Variants in ORC1 observed in about 807,000 individuals in gnomAD.
ORC1 encodes the protein origin recognition complex, subunit 1 homolog.
Under a neutral mutation model 98.9 loss-of-function variants are expected in ORC1, and 61 were observed. That is an observed-to-expected ratio of 0.62 (90% CI 0.50 to 0.76). The LOEUF is 0.76. ORC1 is among the 30% of genes least tolerant of loss of function. The pLI, the probability that ORC1 is intolerant of heterozygous loss-of-function variation, is 0.00. For synonymous variants in ORC1, 385 were observed against 406.9 expected (o/e 0.95, Z 0.65); for missense variants, 979 against 1,072.2 (o/e 0.91, Z 1.21).
intron 3 of ORC1, among the ~76,000 whole-genome samples, chr1:52,399,385 G>A (rs553788853): frequency 1.2e-3 from 185 of 152,228 alleles, no homozygotes; most frequent in African/African-American, 4.1e-3. Context: ...AGCACTTTGG[G>A]AGGCTGAGGC....
intron 16 of ORC1, 22 bp downstream of exon 16, chr1:52,374,788 T>C: frequency 6.4e-7 from 1 of 1,554,438 alleles, no homozygotes; most frequent in East Asian, 2.2e-5. Context: ...TCTAGAAGGA[T>C]TTGAAAAGAG....
chr1:52,383,710 G>C lies in ORC1; in HGVS notation c.1863+120C>G, dbSNP rs1647104008. On this transcript the variant is annotated intron_variant, in intron 12 of 16. Coordinates refer to ENST00000371568, the MANE Select transcript of ORC1 (RefSeq NM_004153.4). ...ACAATCCATTGACACACGCCTCTCA[G>C]CACCAGAAAATGGGCTCATATGAAT... 5 of 1,279,068 alleles carry C rather than the reference G, an allele frequency of 3.9e-6. No individual in the cohort carries two copies. The African/African-American group carries it at 5.8e-5, about 15-fold the overall frequency. 79.2% of individuals were successfully genotyped at this position (1,279,068 alleles called of 1,614,324 possible). A position where few individuals can be genotyped will look rare whatever the true frequency, so the allele number is the denominator to read the frequency against.
chr1:52,394,839 G>A (rs925357465), intron 5 of ORC1, among the ~76,000 whole-genome samples: 1 of 152,028 alleles, frequency 6.6e-6, no homozygotes, highest in Non-Finnish European at 1.5e-5. Flanking sequence ...TAGTAGAGAC[G>A]GGGTTTCACC....
chr1:52,380,733 CAAAGA>C (rs1261516984), intron 14 of ORC1, among the ~76,000 whole-genome samples: 2 of 151,032 alleles, frequency 1.3e-5, no homozygotes, highest in Non-Finnish European at 3.0e-5. Flanking sequence ...AAGGATCATT[CAAAGA>C]AAAGAAAAAG....
chr1:52,402,371 A>G (rs1251228651), intron 1 of ORC1, 143 bp from the exon 2 acceptor site: 1 of 708,892 alleles, frequency 1.4e-6, no homozygotes, highest in South Asian at 1.5e-5. Context: ...TTTTAGACTA[A>G]GAAAACATTT....
At chr1:52,385,782 AT>A in intron 9 of ORC1, 69 bp downstream of exon 9, 1 of 1,030,566 alleles carries the variant, frequency 9.7e-7, no homozygotes, top group Non-Finnish European at 1.5e-6. Flanking sequence ...GTGACTGCTA[AT>A]TTTATGTGAA....
chr1:52,385,774 G>T, intron 9 of ORC1, 78 bp downstream of exon 9: 1 of 922,010 alleles, frequency 1.1e-6, no homozygotes, highest in South Asian at 1.3e-5. Flanking sequence ...GTAGACCAGT[G>T]ACTGCTAATT....
chr1:52,393,664 A>G lies in ORC1; in HGVS notation c.861T>C (p.Ser287=). The change falls in exon 6 of 17, where the codon TCT becomes TCC. Residue 287 remains serine (S), a synonymous_variant. Transcript: ENST00000371568. ...RSQPDKLQTL[S]PALKAPEKTR... ...TTTTCTCTGGGGCTTTCAGAGCTGG[A>G]GACAAGGTTTGAAGTTTATCAGGCT... is the stretch of plus-strand genomic sequence containing the variant. The G allele has an allele frequency of 1.2e-6, 2 of 1,614,074 alleles. No homozygotes were observed. Among genetic ancestry groups the G allele is most frequent in the Non-Finnish European group, 8.5e-7 (1 of 1,179,990 alleles).
intron 3 of ORC1, among the ~76,000 whole-genome samples, chr1:52,399,439 A>G (rs1173859248): frequency 1.3e-5 from 2 of 152,066 alleles, no homozygotes; most frequent in Non-Finnish European, 2.9e-5. Flanking sequence ...CCTGGCTAAC[A>G]CGGTGAAACC....
intron 6 of ORC1, among the ~76,000 whole-genome samples, chr1:52,389,942 T>G (rs888587966): frequency 6.6e-6 from 1 of 152,192 alleles, no homozygotes; most frequent in Non-Finnish European, 1.5e-5. Flanking sequence ...TGTCAAACTG[T>G]TAATGTGCAC....
At chr1:52,398,199 C>T (rs1230048593) in intron 3 of ORC1, among the ~76,000 whole-genome samples, 3 of 150,066 alleles carry the variant, frequency 2.0e-5, no homozygotes, top group Non-Finnish European at 3.0e-5. Flanking sequence ...CGTGACCTCA[C>T]GTGATCTGCC....
the ORC1 span, chr1:52,409,472 G>T: frequency 6.6e-6 from 1 of 152,256 alleles, no homozygotes; most frequent in South Asian, 2.1e-4. Flanking sequence ...TTAGCAGGGT[G>T]TGGAGGTGCA....
chr1:52,381,882 C>T (rs1254734456), intron 13 of ORC1, 121 bp from the exon 14 acceptor site: 3 of 910,742 alleles, frequency 3.3e-6, no homozygotes, highest in Non-Finnish European at 5.4e-6. Flanking sequence ...TTACACATTT[C>T]ATACCTAGAC....
Position 52,397,855 on chromosome 1 carries a change from G to A in ORC1, c.232C>T (p.Pro78Ser). 6.2e-7 allele frequency: 1 copy of A among 1,614,160 alleles called. No individual in the cohort carries two copies. The highest frequency in any genetic ancestry group is 8.5e-7 in the Non-Finnish European group (1 of 1,179,990). ...ACTCGAGCACGTTTCTTAGGAGGAG[G>A]ATCAGAGTCTAGAAAGAATTTGGTG... ...LLELFEDDSD[P>S]PPKKRARVQW... is the part of the protein sequence containing the mutation. The change falls in exon 4 of 17, where the codon CCT becomes TCT. Residue 78 changes from proline (P) to serine (S), a missense_variant. Transcript: ENST00000371568.
chr1:52,383,447 G>C lies in ORC1; in HGVS notation c.1986C>G (p.Ile662Met). 8 of 1,612,992 alleles carry C rather than the reference G, an allele frequency of 5.0e-6. No individual in the cohort carries two copies. Among genetic ancestry groups the C allele is most frequent in the Non-Finnish European group, 6.8e-6 (8 of 1,180,036 alleles). The change falls in exon 13 of 17, where the codon ATC becomes ATG. Residue 662 changes from isoleucine to methionine, a missense_variant. Coordinates refer to ENST00000371568, the MANE Select transcript of ORC1 (RefSeq NM_004153.4). ...GTCGGCTGGACACCCGGTTCATCAT[G>C]ATTCGCTCTGGCAGGTCCATTGTGT... ...IANTMDLPER[I>M]MMNRVSSRLG...
chr1:52,378,141 T>C (rs1272944660), intron 14 of ORC1, among the ~76,000 whole-genome samples: 2 of 151,892 alleles, frequency 1.3e-5, no homozygotes, highest in Admixed American at 1.3e-4. Flanking sequence ...GGTCAGGAGA[T>C]AGAGACCATC....
At position 52,383,897 on chromosome 1, in the gene ORC1, T is replaced by C. The variant is rs922366377; in HGVS notation, c.1796A>G (p.Glu599Gly). 1.1e-5 allele frequency: 17 copies of C among 1,614,236 alleles called. No homozygotes were observed. The highest frequency in any genetic ancestry group is 1.4e-5 in the Non-Finnish European group (17 of 1,180,042). The part of the protein sequence containing the change: ...GQKATANHAA[E>G]LLAKQFCTRG... ...GGTGCAGAATTGCTTTGCCAGCAGT[T>C]CTGCCGCATGGTTGGCTGTTGCTTT... Residue 599 changes from glutamate to glycine, a missense_variant, in exon 12 of 17, where the codon GAA becomes GGA. Glu to Gly is a moderately conservative substitution (Grantham distance 98, BLOSUM62 -2). Transcript: ENST00000371568.
rs1039895529 is a variant in ORC1 at position 52,383,516 on chromosome 1, CCAGT to C, written c.1913_1916del (p.Asp638GlyfsTer25). 5.6e-6 allele frequency: 9 copies of C among 1,613,738 alleles called. No homozygotes were observed. Among genetic ancestry groups the C allele is most frequent in the Middle Eastern group, 1.7e-4 (1 of 5,870 alleles). ...CAAGCCGGGCCTCCTTATGAGTGGG[CCAGT>C]CAAAGAGATTGTACATTATGTCTTG... On this transcript the variant is annotated frameshift_variant, in exon 13 of 17. Coordinates refer to ENST00000371568, the MANE Select transcript of ORC1 (RefSeq NM_004153.4). LOFTEE classifies it high-confidence loss of function.
chr1:52,392,785 T>G (rs1162490977), intron 6 of ORC1, among the ~76,000 whole-genome samples: 2 of 152,220 alleles, frequency 1.3e-5, no homozygotes, highest in Admixed American at 1.3e-4. Flanking sequence ...AGACCATTAT[T>G]CTAAGTGAAG....
Sources: allele counts gnomAD v4.1 joint callset (sites outside exome capture counted in the v4.1 genomes callset), GRCh38; gene constraint gnomAD v4.1.1; transcripts MANE v1.5; gene names NCBI Gene and HGNC (gene_info 2026-07-23, HGNC 2026-07-21).